ANO7: variants seen among roughly 807,000 people sequenced by gnomAD.
ANO7 encodes anoctamin-7.
ANO7 carries 114 observed loss-of-function variants against 115.8 expected under a neutral mutation model. That is an observed-to-expected ratio of 0.98 (90% confidence interval 0.85 to 1.15). ANO7 has a LOEUF of 1.15. Ranked by LOEUF, ANO7 falls within the 50% of genes most tolerant of loss-of-function variation. The pLI, the probability that ANO7 is intolerant of heterozygous loss-of-function variation, is 0.00. For missense variants in ANO7, 1,302 were observed against 1,201.2 expected (o/e 1.08, Z -1.24); for synonymous variants, 550 against 498.2 (o/e 1.10, Z -1.38).
chr2:241,229,830 G>A, downstream of ANO7: 2 of 1,461,466 alleles, frequency 1.4e-6, no homozygotes, highest in Non-Finnish European at 1.8e-6. Flanking sequence ...GCCCGCATCT[G>A]ACCTTCTCAC....
chr2:241,218,343 C>G lies in ANO7; in HGVS notation c.2283C>G (p.Ala761=), dbSNP rs775965897. The G allele has an allele frequency of 3.0e-5, 45 of 1,490,800 alleles. No individual in the cohort carries two copies. Among genetic ancestry groups the G allele is most frequent in the Non-Finnish European group, 4.0e-5 (45 of 1,125,382 alleles). The allele number at this position is 1,490,800 out of a possible 1,614,324, so 92.3% of individuals were successfully genotyped here. ...RGFLNFTLAR[A]PSSFAAAHNR... is the part of the protein sequence containing the mutation. ...TCCTCAACTTCACGCTGGCGCGAGC[C>G]CCGTCCTCCTTCGCCGCCGCGCACA... The change falls in exon 21 of 25, where the codon GCC becomes GCG. Residue 761 remains alanine, a synonymous_variant. Transcript: ENST00000674324.
At chr2:241,223,299 C>T in intron 22 of ANO7, 23 bp downstream of exon 22, 10 of 1,613,598 alleles carry the variant, frequency 6.2e-6, no homozygotes, top group Non-Finnish European at 8.5e-6. Context: ...CCTGCTGGTT[C>T]TCCCATCCAT....
intron 21 of ANO7, among the ~76,000 whole-genome samples, chr2:241,218,870 A>G (rs1663479506): frequency 6.6e-6 from 1 of 152,220 alleles, no homozygotes; most frequent in African/African-American, 2.4e-5. Flanking sequence ...CGGTACAAAA[A>G]GTTTTACGGT....
the ANO7 span, among the ~76,000 whole-genome samples, chr2:241,234,512 G>A: frequency 2.0e-5 from 3 of 152,300 alleles, no homozygotes; most frequent in South Asian, 2.1e-4. Context: ...ACGTGCTCAC[G>A]GGAGGAGTGG....
chr2:241,234,319 T>C, the ANO7 span, among the ~76,000 whole-genome samples: 1 of 152,168 alleles, frequency 6.6e-6, no homozygotes, highest in African/African-American at 2.4e-5. Context: ...CGCACAGAAA[T>C]GCTCTGGATC....
At chr2:241,199,256 A>G in intron 4 of ANO7, 60 bp from the exon 5 acceptor site, 1 of 1,407,380 alleles carries the variant, frequency 7.1e-7, no homozygotes, top group South Asian at 1.2e-5. Flanking sequence ...ATGGACACAC[A>G]CATGTGCATA....
At chr2:241,239,744 A>G in the ANO7 span, 2 of 1,614,182 alleles carry the variant, frequency 1.2e-6, no homozygotes, top group Non-Finnish European at 1.7e-6. This position sits in a 1 kb window ranked among gnomAD's most constrained non-coding sequence, Gnocchi z 4.6. Flanking sequence ...AATCTCCCGC[A>G]AGACCTGGCC....
At chr2:241,219,526 A>G (rs73114176) in intron 21 of ANO7, among the ~76,000 whole-genome samples, 1,737 of 150,594 alleles carry the variant, frequency 0.012, 30 homozygotes, top group African/African-American at 0.039. Flanking sequence ...ATATATTTCT[A>G]TTATTTTAGG....
chr2:241,240,202 C>G, the ANO7 span: 1 of 1,398,182 alleles, frequency 7.2e-7, no homozygotes. The surrounding 1 kb of genome is among the most constrained non-coding windows in gnomAD (Gnocchi z 5.5). Context: ...GTCTGTAGGA[C>G]AGCAAGCTCG....
chr2:241,226,286 G>A (rs11674695), downstream of ANO7, among the ~76,000 whole-genome samples: 29,460 of 151,992 alleles, frequency 0.19, 3,204 homozygotes, highest in Middle Eastern at 0.33. Context: ...AGCTCCATCC[G>A]TGCCGAGCAT....
chr2:241,218,807 A>G (rs1488033612), intron 21 of ANO7, among the ~76,000 whole-genome samples: 1 of 152,222 alleles, frequency 6.6e-6, no homozygotes, highest in Non-Finnish European at 1.5e-5. Flanking sequence ...AAAGAGTCAT[A>G]ATAGATCAAG....
intron 19 of ANO7, 106 bp downstream of exon 19, chr2:241,216,344 C>G: frequency 7.3e-7 from 1 of 1,379,092 alleles, no homozygotes; most frequent in Middle Eastern, 2.5e-4. Flanking sequence ...TCTGCATCTG[C>G]CCTGAAATGT....
the ANO7 span, chr2:241,236,653 G>T: frequency 6.2e-7 from 1 of 1,614,070 alleles, no homozygotes; most frequent in Non-Finnish European, 8.5e-7. Flanking sequence ...TTTTCTTTCC[G>T]GCCAGAGATG....
At chr2:241,233,927 G>A in the ANO7 span, 2 of 1,614,084 alleles carry the variant, frequency 1.2e-6, no homozygotes, top group South Asian at 1.1e-5. This position sits in a 1 kb window ranked among gnomAD's most constrained non-coding sequence, Gnocchi z 4.3. Flanking sequence ...TGGTATTTGG[G>A]GTCTACAGTG....
intron 6 of ANO7, among the ~76,000 whole-genome samples, chr2:241,200,773 G>A (rs569882898): frequency 1.1e-4 from 17 of 152,374 alleles, no homozygotes; most frequent in African/African-American, 3.6e-4. Flanking sequence ...TCTGCCACAC[G>A]GGATGCCTCC....
At chr2:241,215,529 G>A (rs1194398352) in intron 18 of ANO7, among the ~76,000 whole-genome samples, 1 of 152,252 alleles carries the variant, frequency 6.6e-6, no homozygotes, top group Non-Finnish European at 1.5e-5. Flanking sequence ...TAGCAGTTGG[G>A]AGATGGTGGC....
chr2:241,219,145 T>C (rs1325880943), intron 21 of ANO7, among the ~76,000 whole-genome samples: 1 of 152,366 alleles, frequency 6.6e-6, no homozygotes, highest in East Asian at 1.9e-4. Flanking sequence ...AGCAGGTAGA[T>C]GTACTTCACC....
chr2:241,238,507 T>C, the ANO7 span: 1 of 629,490 alleles, frequency 1.6e-6, no homozygotes, highest in Non-Finnish European at 2.6e-6. This position sits in a 1 kb window ranked among gnomAD's most constrained non-coding sequence, Gnocchi z 4.9. Flanking sequence ...GGAGTGACCC[T>C]GAACCTCTGG....
chr2:241,190,932 G>C (rs984553631), intron 2 of ANO7, among the ~76,000 whole-genome samples: 15 of 152,218 alleles, frequency 9.9e-5, no homozygotes, highest in African/African-American at 3.4e-4. Context: ...AGGGGAGCCG[G>C]CTGGAGGCCC....
Sources: allele counts gnomAD v4.1 joint callset (sites outside exome capture counted in the v4.1 genomes callset), GRCh38; gene constraint gnomAD v4.1.1; non-coding constraint Gnocchi (gnomAD v3.1); transcripts MANE v1.5; gene names NCBI Gene and HGNC (gene_info 2026-07-23, HGNC 2026-07-21).